Variants in WWOX observed in about 807,000 individuals in gnomAD.
The protein encoded by WWOX is WW domain containing oxidoreductase.
WWOX carries 69 observed loss-of-function variants against 46.2 expected under a neutral mutation model. That is an observed-to-expected ratio of 1.49 (90% CI 1.23 to 1.82). The LOEUF (loss-of-function observed/expected upper bound fraction) is 1.82. Ranked by LOEUF, WWOX falls within the 40% of genes most tolerant of loss-of-function variation. The pLI is 0.00. For synonymous variants in WWOX, 359 were observed against 202.6 expected (o/e 1.77, Z -6.56); for missense variants, 919 against 542.6 (o/e 1.69, Z -6.89).
intron 5 of WWOX, among the ~76,000 whole-genome samples, chr16:78,324,633 C>G (rs900026235): frequency 6.6e-5 from 10 of 152,058 alleles, no homozygotes; most frequent in Admixed American, 5.2e-4. Flanking sequence ...CTGAGGCATT[C>G]TATAATGTGA....
At chr16:78,266,831 CCT>C (rs1309731309) in intron 5 of WWOX, among the ~76,000 whole-genome samples, 13 of 66,008 alleles carry the variant, frequency 2.0e-4, no homozygotes, top group African/African-American at 6.9e-4. Flanking sequence ...TCTCTGTCTC[CCT>C]CTCTCCCCCT....
At chr16:78,950,406 GC>G (rs2046035115) in intron 8 of WWOX, among the ~76,000 whole-genome samples, 1 of 151,994 alleles carries the variant, frequency 6.6e-6, no homozygotes, top group Non-Finnish European at 1.5e-5. Context: ...AGAGGAAGGG[GC>G]TTTTTTGCCT....
At chr16:78,997,401 G>A (rs910956316) in intron 8 of WWOX, among the ~76,000 whole-genome samples, 6 of 152,092 alleles carry the variant, frequency 3.9e-5, no homozygotes, top group Admixed American at 1.3e-4. Context: ...ACGGTGACAC[G>A]CAAAAGAATT....
At chr16:78,534,473 G>A (rs2043708402) in intron 8 of WWOX, 1 of 152,160 alleles carries the variant, frequency 6.6e-6, no homozygotes, top group Non-Finnish European at 1.5e-5. Context: ...TTTTGATTCA[G>A]ACGTCCACAG....
At chr16:78,687,390 T>C (rs2047887982) in intron 8 of WWOX, among the ~76,000 whole-genome samples, 1 of 152,250 alleles carries the variant, frequency 6.6e-6, no homozygotes, top group South Asian at 2.1e-4. Flanking sequence ...ATTTTCAGTG[T>C]GGCCTGAGAT....
chr16:78,728,908 A>C (rs2048897580), intron 8 of WWOX, among the ~76,000 whole-genome samples: 1 of 152,268 alleles, frequency 6.6e-6, no homozygotes, highest in East Asian at 1.9e-4. Context: ...TAGATCACCT[A>C]ATTTAGTCAT....
chr16:78,859,680 T>C (rs761972473), intron 8 of WWOX, among the ~76,000 whole-genome samples: 18 of 152,144 alleles, frequency 1.2e-4, no homozygotes, highest in Non-Finnish European at 2.1e-4. Context: ...GGGCGAGTAA[T>C]GTACTCAAAA....
intron 6 of WWOX, among the ~76,000 whole-genome samples, chr16:78,412,785 G>A (rs546589426): frequency 1.1e-4 from 17 of 152,328 alleles, no homozygotes; most frequent in Non-Finnish European, 2.2e-4. Context: ...TCATTCAGCT[G>A]ATGATGAGAA....
intron 5 of WWOX, among the ~76,000 whole-genome samples, chr16:78,171,462 A>T (rs1045630025): frequency 1.6e-4 from 24 of 151,944 alleles, no homozygotes; most frequent in African/African-American, 5.8e-4. Context: ...TTCTTTTATG[A>T]TATATGTGTT....
At chr16:78,864,702 A>G (rs1030887782) in intron 8 of WWOX, among the ~76,000 whole-genome samples, 27 of 150,642 alleles carry the variant, frequency 1.8e-4, no homozygotes, top group Non-Finnish European at 3.4e-4. Flanking sequence ...CAGATGAACA[A>G]TGGATCTTTG....
At chr16:79,012,803 C>G (rs1047875758) in intron 8 of WWOX, among the ~76,000 whole-genome samples, 1 of 152,246 alleles carries the variant, frequency 6.6e-6, no homozygotes, top group Non-Finnish European at 1.5e-5. Flanking sequence ...CTTCTGTTTT[C>G]TTCCAGATCC....
intron 8 of WWOX, among the ~76,000 whole-genome samples, chr16:78,471,455 C>T (rs983008633): frequency 1.3e-5 from 2 of 152,170 alleles, no homozygotes; most frequent in African/African-American, 4.8e-5. Context: ...AAGTTACCAG[C>T]TTCATCATAG....
intron 8 of WWOX, among the ~76,000 whole-genome samples, chr16:78,748,024 T>C (rs1361034336): frequency 1.3e-5 from 2 of 152,200 alleles, no homozygotes; most frequent in Non-Finnish European, 2.9e-5. Flanking sequence ...CGAAGAGTAT[T>C]GAACTTGGCC....
At chr16:78,437,061 G>T (rs955123769) in intron 8 of WWOX, among the ~76,000 whole-genome samples, 3 of 152,188 alleles carry the variant, frequency 2.0e-5, no homozygotes, top group Non-Finnish European at 4.4e-5. Context: ...TAGAGAGGGT[G>T]CTTCCTTCTG....
At chr16:78,766,281 G>A (rs1370261991) in intron 8 of WWOX, among the ~76,000 whole-genome samples, 2 of 152,176 alleles carry the variant, frequency 1.3e-5, no homozygotes, top group Non-Finnish European at 2.9e-5. Context: ...CATCTCTCCT[G>A]TGTGTCGCTA....
chr16:79,212,008 G>A lies in WWOX; in HGVS notation c.*212G>A, dbSNP rs766270612. On this transcript the variant is annotated 3_prime_UTR_variant, in exon 9 of 9. Transcript: ENST00000566780. Reference sequence around the variant, plus strand: ...TATCACTTTTCTGGGGCTGGGCTAGGCATAGGTCTCTTTGCTTTCTGGTGG... The same window carrying A: ...TATCACTTTTCTGGGGCTGGGCTAGACATAGGTCTCTTTGCTTTCTGGTGG... The A allele has an allele frequency of 3.3e-6, 5 of 1,536,142 alleles. No homozygotes were observed. In the African/African-American group the frequency reaches 6.8e-5, roughly 21 times the overall value.
chr16:79,209,131 C>G (rs79495055), intron 8 of WWOX, among the ~76,000 whole-genome samples: 12,883 of 152,200 alleles, frequency 0.085, 663 homozygotes, highest in Middle Eastern at 0.16. Context: ...AAGCCATCTC[C>G]TGATAAAAAG....
chr16:79,037,550 A>C (rs1287527168), intron 8 of WWOX, among the ~76,000 whole-genome samples: 1 of 152,152 alleles, frequency 6.6e-6, no homozygotes, highest in Non-Finnish European at 1.5e-5. Flanking sequence ...AGTGACAGAG[A>C]CCACATTTAA....
chr16:78,747,555 C>T, intron 8 of WWOX, among the ~76,000 whole-genome samples: 1 of 152,272 alleles, frequency 6.6e-6, no homozygotes, highest in Admixed American at 6.5e-5. Context: ...GATGAGGAAA[C>T]TGAGGCTAAG....
Sources: gnomAD v4.1 joint callset for allele counts (sites outside exome capture counted in the v4.1 genomes callset) on GRCh38, gnomAD v4.1.1 for gene constraint, MANE v1.5 for transcripts, NCBI Gene and HGNC (gene_info 2026-07-23, HGNC 2026-07-21) for gene names.